The following CTNNA2 variants were observed in gnomAD, a reference collection of about 807,000 sequenced individuals.
CTNNA2 encodes catenin alpha 2.
CTNNA2 carries 42 observed loss-of-function variants against 101.0 expected under a neutral mutation model. The observed-to-expected ratio is 0.42, with a 90% CI of 0.32 to 0.54. CTNNA2 has a LOEUF of 0.54. Ranked by LOEUF, CTNNA2 falls within the 20% of genes least tolerant of loss-of-function variation. The pLI is 0.14. For synonymous variants in CTNNA2, 450 were observed against 456.4 expected (o/e 0.99, Z 0.18); for missense variants, 871 against 1,223.1 (o/e 0.71, Z 4.29).
intron 7 of CTNNA2, among the ~76,000 whole-genome samples, chr2:80,191,525 CCTT>C (rs1706502349): frequency 6.6e-6 from 1 of 152,178 alleles, no homozygotes; most frequent in East Asian, 1.9e-4. Flanking sequence ...CTTTTTCTTC[CCTT>C]CTTCACCTTT....
intron 7 of CTNNA2, among the ~76,000 whole-genome samples, chr2:79,930,342 A>AAGAG (rs1558651198): frequency 1.4e-5 from 2 of 140,252 alleles, no homozygotes; most frequent in Admixed American, 7.0e-5. Context: ...GAAAGAAAGA[A>AAGAG]AGAAAGAAAG....
intron 6 of CTNNA2, among the ~76,000 whole-genome samples, chr2:79,904,592 A>C (rs1177685794): frequency 2.6e-5 from 4 of 152,168 alleles, no homozygotes; most frequent in Non-Finnish European, 5.9e-5. Context: ...AATCCTGGTG[A>C]CCTTATTTGT....
chr2:80,595,203 C>A (rs772075222), intron 15 of CTNNA2, among the ~76,000 whole-genome samples: 1 of 152,138 alleles, frequency 6.6e-6, no homozygotes. Context: ...AGTCTTCTGA[C>A]TCCATGGTTA....
chr2:80,029,355 G>T (rs1008334153), intron 7 of CTNNA2: 1 of 152,178 alleles, frequency 6.6e-6, no homozygotes, highest in Non-Finnish European at 1.5e-5. Context: ...GCAGGTGAAA[G>T]GGAGGGTGGA....
intron 1 of CTNNA2, chr2:79,514,535 C>T (rs558738790): frequency 6.0e-4 from 92 of 152,318 alleles, no homozygotes; most frequent in African/African-American, 2.2e-3. Flanking sequence ...ACCTTGCTCT[C>T]TTCAGCTTGC....
chr2:80,048,455 G>GT (rs1185413352), intron 7 of CTNNA2, among the ~76,000 whole-genome samples: 6 of 151,490 alleles, frequency 4.0e-5, no homozygotes, highest in African/African-American at 1.5e-4. Context: ...AGAGAAACGT[G>GT]ATTTTTGCTT....
intron 9 of CTNNA2, among the ~76,000 whole-genome samples, chr2:80,441,210 G>C (rs555493574): frequency 6.6e-6 from 1 of 152,248 alleles, no homozygotes. Context: ...AGGGATTCAC[G>C]CAGTGGGTAA....
At chr2:79,439,290 T>C (rs993151175) in intron 4 of CTNNA2, among the ~76,000 whole-genome samples, 3 of 152,186 alleles carry the variant, frequency 2.0e-5, no homozygotes, top group African/African-American at 7.2e-5. Context: ...CTTTTAAACA[T>C]TTGGCTAAGT....
chr2:79,961,781 C>T (rs1689649648), intron 7 of CTNNA2, among the ~76,000 whole-genome samples: 5 of 146,626 alleles, frequency 3.4e-5, no homozygotes. Flanking sequence ...GAGATCGTGC[C>T]ACTGCACTCC....
At chr2:79,504,173 G>A (rs991560614) in intron 4 of CTNNA2, among the ~76,000 whole-genome samples, 3 of 152,138 alleles carry the variant, frequency 2.0e-5, no homozygotes, top group Admixed American at 2.0e-4. Context: ...TTATTCTAAT[G>A]TGAGTACTAA....
chr2:80,314,298 A>G (rs2149234145), intron 7 of CTNNA2, among the ~76,000 whole-genome samples: 1 of 152,336 alleles, frequency 6.6e-6, no homozygotes, highest in South Asian at 2.1e-4. Flanking sequence ...TCAAATTCTA[A>G]TTTATTACAA....
chr2:79,379,801 T>A (rs547849580), intron 4 of CTNNA2, among the ~76,000 whole-genome samples: 8 of 152,210 alleles, frequency 5.3e-5, no homozygotes, highest in African/African-American at 9.6e-5. Context: ...TCAAAAAAAA[T>A]TTTTTAATAA....
chr2:80,320,537 G>T (rs751099043), intron 7 of CTNNA2, among the ~76,000 whole-genome samples: 7 of 152,170 alleles, frequency 4.6e-5, no homozygotes, highest in African/African-American at 7.2e-5. Flanking sequence ...ACCCCCCGAT[G>T]ATTGCCATGT....
intron 3 of CTNNA2, among the ~76,000 whole-genome samples, chr2:79,840,870 C>T (rs1349897509): frequency 9.2e-5 from 14 of 151,956 alleles, no homozygotes; most frequent in Admixed American, 9.2e-4. Context: ...CCCGGGTTCA[C>T]GCCATTCTCC....
intron 1 of CTNNA2, among the ~76,000 whole-genome samples, chr2:79,584,233 C>T (rs1676325980): frequency 1.3e-5 from 2 of 152,108 alleles, no homozygotes; most frequent in Admixed American, 6.5e-5. Context: ...AAGACTTTGC[C>T]TCATCTACTC....
intron 8 of CTNNA2, among the ~76,000 whole-genome samples, chr2:80,395,072 G>A (rs1677883443): frequency 6.6e-6 from 1 of 152,106 alleles, no homozygotes; most frequent in African/African-American, 2.4e-5. Context: ...GAATGAAAAA[G>A]TAATTTTTAC....
At chr2:79,518,532 C>T (rs1268684030) in intron 1 of CTNNA2, among the ~76,000 whole-genome samples, 1 of 152,130 alleles carries the variant, frequency 6.6e-6, no homozygotes, top group East Asian at 1.9e-4. Context: ...GGAACTAAAA[C>T]CATGGACTCT....
intron 3 of CTNNA2, among the ~76,000 whole-genome samples, chr2:79,337,184 T>C (rs1488426682): frequency 1.3e-5 from 2 of 152,224 alleles, no homozygotes; most frequent in African/African-American, 4.8e-5. Context: ...AGCAAAGCCT[T>C]TGAGGCAATG....
At chr2:80,500,516 A>G (rs543871101) in intron 9 of CTNNA2, among the ~76,000 whole-genome samples, 3 of 152,304 alleles carry the variant, frequency 2.0e-5, no homozygotes, top group East Asian at 1.9e-4. Flanking sequence ...CCAGTACCCA[A>G]TTTGAATTTC....
Sources: gnomAD v4.1 joint callset for allele counts (sites outside exome capture counted in the v4.1 genomes callset) on GRCh38, gnomAD v4.1.1 for gene constraint, MANE v1.5 for transcripts, NCBI Gene and HGNC (gene_info 2026-07-23, HGNC 2026-07-21) for gene names.